EPB41L4A: variants seen among roughly 807,000 people sequenced by gnomAD.
EPB41L4A encodes band 4.1-like protein 4A.
Under a neutral mutation model 108.6 loss-of-function variants are expected in EPB41L4A, and 100 were observed. That is an observed-to-expected ratio of 0.92 (90% CI 0.78 to 1.09). The LOEUF (loss-of-function observed/expected upper bound fraction) is 1.09, where lower values mean the gene tolerates loss of function less well. EPB41L4A is among the 50% of genes least tolerant of loss of function. The probability of loss-of-function intolerance (pLI) is 0.00; values close to 1 mark genes in which losing one functional copy is unlikely to be tolerated. For synonymous variants in EPB41L4A, 319 were observed against 289.0 expected (o/e 1.10, Z -1.05); for missense variants, 1,030 against 842.7 (o/e 1.22, Z -2.75).
intron 1 of EPB41L4A, among the ~76,000 whole-genome samples, chr5:112,359,782 C>T (rs1206981581): frequency 2.0e-5 from 3 of 152,274 alleles, no homozygotes; most frequent in Admixed American, 6.5e-5. Flanking sequence ...CCTCGTGATC[C>T]ACCCGCCTTG....
chr5:112,267,182 C>T (rs1435223804), intron 4 of EPB41L4A, among the ~76,000 whole-genome samples: 2 of 152,114 alleles, frequency 1.3e-5, no homozygotes, highest in Non-Finnish European at 2.9e-5. Flanking sequence ...ATTAACCATC[C>T]ACATCATCCT....
chr5:112,327,267 T>C (rs821740), intron 1 of EPB41L4A, among the ~76,000 whole-genome samples: 6,696 of 152,296 alleles, frequency 0.044, 512 homozygotes, highest in African/African-American at 0.15. Flanking sequence ...AGACATTATA[T>C]ACTCAAACAA....
intron 12 of EPB41L4A, among the ~76,000 whole-genome samples, chr5:112,153,610 A>G (rs2112812480): frequency 6.6e-6 from 1 of 151,150 alleles, no homozygotes; most frequent in East Asian, 1.9e-4. Context: ...AAAAAATGAC[A>G]GAAATACAAG....
intron 1 of EPB41L4A, among the ~76,000 whole-genome samples, chr5:112,380,786 CACACAT>C (rs1363473073): frequency 7.2e-4 from 71 of 99,046 alleles, no homozygotes; most frequent in African/African-American, 2.4e-3. Flanking sequence ...CTGCACATCA[CACACAT>C]ACACACACAC....
intron 9 of EPB41L4A, among the ~76,000 whole-genome samples, chr5:112,251,705 G>C (rs1750685788): frequency 6.6e-6 from 1 of 152,128 alleles, no homozygotes; most frequent in African/African-American, 2.4e-5. Flanking sequence ...GAGTAATTTT[G>C]ATTTTTGAAA....
Position 112,264,936 on chromosome 5 carries a change from C to A in EPB41L4A, c.514G>T (p.Glu172Ter). Residue 172 changes from glutamate (E) to a stop codon, truncating the protein, a stop_gained, in exon 6 of 23, where the codon GAA becomes TAA. Coordinates refer to ENST00000261486, the MANE Select transcript of EPB41L4A (RefSeq NM_022140.5). LOFTEE classifies it high-confidence loss of function. ...ATCCTTTCTATGGCTTCTTCAAGTT[C>A]TTCCTTCTGATCAGGAACAAACCGG... ...EYRFVPDQKE[E>*]LEEAIERIHK... 1 of 1,612,188 alleles carries A rather than the reference C, an allele frequency of 6.2e-7. No individual in the cohort carries two copies. The highest frequency in any genetic ancestry group is 8.5e-7 in the Non-Finnish European group (1 of 1,179,228).
chr5:112,317,220 T>A (rs1755485426), intron 1 of EPB41L4A, among the ~76,000 whole-genome samples: 1 of 152,198 alleles, frequency 6.6e-6, no homozygotes, highest in African/African-American at 2.4e-5. Context: ...TCTTCACTCA[T>A]CTCTGTAATA....
rs1334742580 is a variant in EPB41L4A at position 112,408,264 on chromosome 5, ATAAGAG to A, written c.99+10671_99+10676del. Among the ~76,000 whole-genome samples, 4 of 152,322 alleles carry A rather than the reference ATAAGAG, an allele frequency of 2.6e-5. No homozygotes were observed. The East Asian group carries it at 7.7e-4, about 29-fold the overall frequency. ...GCTATTAAAAATCTTAAAAGCAAAC[ATAAGAG>A]TAAATCTTCAGGCCTTAGGTTAGGC... On this transcript the variant is annotated intron_variant, in intron 1 of 22. Coordinates refer to ENST00000261486, the MANE Select transcript of EPB41L4A (RefSeq NM_022140.5).
chr5:112,213,494 A>G (rs59537089), intron 12 of EPB41L4A, among the ~76,000 whole-genome samples: 112,750 of 151,820 alleles, frequency 0.74, 42,261 homozygotes, highest in East Asian at 0.99. Flanking sequence ...GATTACAGGC[A>G]TGCACCACCA....
chr5:112,229,779 G>A (rs1028312622), intron 12 of EPB41L4A, among the ~76,000 whole-genome samples: 22 of 152,078 alleles, frequency 1.4e-4, no homozygotes, highest in Non-Finnish European at 3.2e-4. Context: ...ACGAGGCCAG[G>A]AGATCAAGAC....
intron 12 of EPB41L4A, among the ~76,000 whole-genome samples, chr5:112,224,020 C>T (rs1004690778): frequency 1.3e-5 from 2 of 152,198 alleles, no homozygotes; most frequent in African/African-American, 2.4e-5. Context: ...GGCGCGATCT[C>T]GGCTCATTGC....
chr5:112,322,705 C>T (rs958591841), intron 1 of EPB41L4A, among the ~76,000 whole-genome samples: 1 of 151,316 alleles, frequency 6.6e-6, no homozygotes, highest in South Asian at 2.1e-4. Context: ...ATGAGACACA[C>T]ACACACACAC....
At chr5:112,197,836 T>A (rs1762035069) in intron 15 of EPB41L4A, among the ~76,000 whole-genome samples, 1 of 152,182 alleles carries the variant, frequency 6.6e-6, no homozygotes, top group Non-Finnish European at 1.5e-5. Context: ...GTAAAGTGTA[T>A]CTTTTAGTTG....
At chr5:112,153,497 C>A (rs1254800384) in intron 12 of EPB41L4A, among the ~76,000 whole-genome samples, 37 of 149,958 alleles carry the variant, frequency 2.5e-4, no homozygotes, top group African/African-American at 8.3e-4. Context: ...CCACTGCACT[C>A]CAGCCAGGGC....
intron 2 of EPB41L4A, among the ~76,000 whole-genome samples, chr5:112,296,553 C>T (rs1753996296): frequency 6.6e-6 from 1 of 152,002 alleles, no homozygotes; most frequent in East Asian, 1.9e-4. Flanking sequence ...AAGAAAAAGT[C>T]CCACTCACCT....
In EPB41L4A at chr5:112,307,484, T is replaced by C. The variant is rs1307240337; in HGVS notation, c.106A>G (p.Thr36Ala). 4 of 1,610,450 alleles carry C rather than the reference T, an allele frequency of 2.5e-6. No individual in the cohort carries two copies. Among genetic ancestry groups the C allele is most frequent in the East Asian group, 2.2e-5 (1 of 44,854 alleles). Residue 36 changes from threonine (T) to alanine (A), a missense_variant, in exon 2 of 23, where the codon ACG becomes GCG. Thr to Ala is a moderately conservative substitution (Grantham distance 58, BLOSUM62 0). Transcript: ENST00000261486. ...TGGTCAAGGACAACGGAACCTTTCG[T>C]TGACTTCTGCAAAAATAATTCAGTT... ...TTQQQGIKKS[T>A]KGSVVLDHVF...
chr5:112,366,306 AAAG>A (rs745355831), intron 1 of EPB41L4A, among the ~76,000 whole-genome samples: 126 of 152,044 alleles, frequency 8.3e-4, no homozygotes, highest in Non-Finnish European at 1.5e-3. Context: ...AGAAAAAAAA[AAAG>A]AAAGAAAGAA....
chr5:112,394,449 A>G (rs932616127), intron 1 of EPB41L4A, among the ~76,000 whole-genome samples: 8 of 152,142 alleles, frequency 5.3e-5, no homozygotes, highest in South Asian at 2.1e-4. Context: ...ACCAATAACA[A>G]ACAAACAGAG....
chr5:112,339,962 CTAGTTAATCACTCACG>C (rs1757203906), intron 1 of EPB41L4A, among the ~76,000 whole-genome samples: 1 of 152,126 alleles, frequency 6.6e-6, no homozygotes, highest in African/African-American at 2.4e-5. Flanking sequence ...AGGGCCTAGA[CTAGTTAATCACTCACG>C]TCATGTCACC....
Sources: allele counts gnomAD v4.1 joint callset (sites outside exome capture counted in the v4.1 genomes callset), GRCh38; gene constraint gnomAD v4.1.1; transcripts MANE v1.5; gene names NCBI Gene and HGNC (gene_info 2026-07-23, HGNC 2026-07-21).